The following HECTD2 variants were observed in gnomAD, a reference collection of about 807,000 sequenced individuals.
HECTD2 encodes the protein HECT domain E3 ubiquitin protein ligase 2, also known as probable E3 ubiquitin-protein ligase HECTD2.
A neutral mutation model predicts 103.2 loss-of-function variants in HECTD2; 35 were observed. That is an observed-to-expected ratio of 0.34 (90% CI 0.26 to 0.45). HECTD2 has a LOEUF of 0.45. Ranked by LOEUF, HECTD2 falls within the 20% of genes least tolerant of loss-of-function variation. HECTD2 has a pLI of 1.00. For synonymous variants in HECTD2, 281 were observed against 329.9 expected (o/e 0.85, Z 1.61); for missense variants, 596 against 937.4 (o/e 0.64, Z 4.76).
intron 2 of HECTD2, among the ~76,000 whole-genome samples, chr10:91,456,503 A>G (rs1209264140): frequency 6.6e-6 from 1 of 152,194 alleles, no homozygotes; most frequent in Non-Finnish European, 1.5e-5. Context: ...TTCTAGATAT[A>G]CAATCATGTC....
chr10:91,410,104 C>T (rs1223476390), upstream of HECTD2, among the ~76,000 whole-genome samples: 1 of 152,022 alleles, frequency 6.6e-6, no homozygotes, highest in African/African-American at 2.4e-5. Flanking sequence ...GGGCGTCGAC[C>T]GTGGCGCCTT....
At chr10:91,475,445 C>T (rs541009544) in intron 5 of HECTD2, among the ~76,000 whole-genome samples, 116 of 152,270 alleles carry the variant, frequency 7.6e-4, no homozygotes, top group African/African-American at 2.8e-3. Flanking sequence ...GAAGAGTATT[C>T]CACCTTGTCA....
chr10:91,410,125 C>T (rs1194481548), upstream of HECTD2, among the ~76,000 whole-genome samples: 1 of 151,934 alleles, frequency 6.6e-6, no homozygotes, highest in African/African-American at 2.4e-5. Flanking sequence ...CTCTCCGGGC[C>T]CTCGGGGTTG....
intron 2 of HECTD2, among the ~76,000 whole-genome samples, chr10:91,430,326 G>T (rs1843789834): frequency 1.3e-5 from 2 of 152,004 alleles, no homozygotes; most frequent in South Asian, 4.2e-4. Flanking sequence ...GAATAGGTGT[G>T]GTGTGGTGCT....
chr10:91,467,195 TC>T (rs1401659828), intron 5 of HECTD2, among the ~76,000 whole-genome samples: 1 of 152,094 alleles, frequency 6.6e-6, no homozygotes, highest in African/African-American at 2.4e-5. Context: ...GCCACGGGCC[TC>T]CGGAATCCTG....
In HECTD2 at chr10:91,484,561, T is replaced by G; in HGVS notation, c.876T>G (p.Ser292=). Residue 292 remains serine (S), a synonymous_variant, in exon 9 of 21, where the codon TCT becomes TCG. Transcript: ENST00000298068. Reference sequence around the variant, plus strand: ...TAGAGAGATTGCTGCAATTTATTTCTTTACGCCTGTTTCCTGCAAAGCCTG... The same window carrying G: ...TAGAGAGATTGCTGCAATTTATTTCGTTACGCCTGTTTCCTGCAAAGCCTG... ...QLVERLLQFI[S]LRLFPAKPEE... is the part of the protein sequence containing the mutation. 1.2e-6 allele frequency: 2 copies of G among 1,612,306 alleles called. No homozygotes were observed. The highest frequency in any genetic ancestry group is 3.3e-5 in the Admixed American group (2 of 59,926).
chr10:91,429,622 G>A (rs889338601), intron 2 of HECTD2, among the ~76,000 whole-genome samples: 7 of 152,034 alleles, frequency 4.6e-5, no homozygotes, highest in African/African-American at 7.2e-5. Context: ...TGTATGTGTC[G>A]AGGAATTTAT....
At chr10:91,457,233 T>TA (rs1845141417) in intron 2 of HECTD2, among the ~76,000 whole-genome samples, 1 of 152,066 alleles carries the variant, frequency 6.6e-6, no homozygotes, top group Non-Finnish European at 1.5e-5. Context: ...ACCAAATGTT[T>TA]AAAGAATTAA....
At chr10:91,414,893 C>T (rs1200311098) in intron 1 of HECTD2, among the ~76,000 whole-genome samples, 2 of 151,582 alleles carry the variant, frequency 1.3e-5, no homozygotes, top group African/African-American at 4.8e-5. Flanking sequence ...GTTTTTTTTT[C>T]CCCCTGCGGT....
intron 2 of HECTD2, among the ~76,000 whole-genome samples, chr10:91,428,033 C>T (rs902897053): frequency 2.6e-5 from 4 of 151,740 alleles, no homozygotes; most frequent in African/African-American, 7.3e-5. Flanking sequence ...GTCTTTAATC[C>T]ATCTCCAATT....
chr10:91,416,965 C>G (rs1221950435), intron 1 of HECTD2, among the ~76,000 whole-genome samples: 1 of 152,118 alleles, frequency 6.6e-6, no homozygotes, highest in South Asian at 2.1e-4. Flanking sequence ...AAAGAAAGAG[C>G]CTTCAAAAGG....
chr10:91,455,004 A>C (rs939878261), intron 2 of HECTD2, among the ~76,000 whole-genome samples: 17 of 152,100 alleles, frequency 1.1e-4, no homozygotes, highest in Admixed American at 6.6e-5. Flanking sequence ...AGTCTTAGCT[A>C]TTGTGAATAG....
intron 20 of HECTD2, among the ~76,000 whole-genome samples, chr10:91,505,244 A>G (rs1236965986): frequency 6.6e-6 from 1 of 152,156 alleles, no homozygotes; most frequent in African/African-American, 2.4e-5. Context: ...CTAACATCAT[A>G]ATGACAGGAT....
chr10:91,478,493 T>G (rs538391789), intron 6 of HECTD2, among the ~76,000 whole-genome samples: 2 of 152,318 alleles, frequency 1.3e-5, no homozygotes, highest in Non-Finnish European at 2.9e-5. Context: ...CTGTGAATTC[T>G]TTTAAATTGT....
Position 91,482,996 on chromosome 10 carries a change from T to C in HECTD2, c.741T>C (p.Tyr247=), listed in dbSNP as rs908766974. The change falls in exon 8 of 21, where the codon TAT becomes TAC. Residue 247 remains tyrosine (Y), a synonymous_variant. Transcript: ENST00000298068. The part of the protein sequence containing the change: ...QNPQFNNTST[Y]VIYAHLLRQI... ...CTCAGTTTAATAACACATCTACGTA[T>C]GTCATCTATGCTCACTTGCTACGAC... 1.9e-6 allele frequency: 3 copies of C among 1,563,920 alleles called. No individual in the cohort carries two copies. Among genetic ancestry groups the C allele is most frequent in the Non-Finnish European group, 2.6e-6 (3 of 1,139,188 alleles).
At chr10:91,451,391 G>C in intron 2 of HECTD2, among the ~76,000 whole-genome samples, 1 of 152,044 alleles carries the variant, frequency 6.6e-6, no homozygotes, top group East Asian at 1.9e-4. Context: ...ACCAGGGGAG[G>C]GATAGCATTA....
rs957404857 is a variant in HECTD2, at chr10:91,484,051, A to G, written c.822-456A>G. The stretch of plus-strand genomic sequence containing the variant: ...AAAAACATGAAGCTAAATGGATTGC[A>G]TAAAGGACACTTGCAAAGAGAGAGT... On this transcript the variant is annotated intron_variant, in intron 8 of 20. Coordinates refer to ENST00000298068, the MANE Select transcript of HECTD2 (RefSeq NM_182765.6). 6 of 349,824 alleles carry G rather than the reference A, an allele frequency of 1.7e-5. No individual in the cohort carries two copies. In the East Asian group the frequency reaches 2.7e-4, roughly 16 times the overall value. The allele number at this position is 349,824 out of a possible 1,614,324, so 21.7% of individuals were successfully genotyped here.
At chr10:91,467,367 C>T (rs558775604) in intron 5 of HECTD2, among the ~76,000 whole-genome samples, 37 of 152,132 alleles carry the variant, frequency 2.4e-4, no homozygotes, top group Non-Finnish European at 4.4e-4. Context: ...CCTCAAGGCT[C>T]ACTGTGCTCC....
chr10:91,473,519 A>G (rs913258680), intron 5 of HECTD2, among the ~76,000 whole-genome samples: 3 of 152,170 alleles, frequency 2.0e-5, no homozygotes, highest in African/African-American at 7.2e-5. Context: ...AAATTCATAA[A>G]TACAGTTGAC....
Sources: gnomAD v4.1 joint callset for allele counts (sites outside exome capture counted in the v4.1 genomes callset) on GRCh38, gnomAD v4.1.1 for gene constraint, MANE v1.5 for transcripts, NCBI Gene and HGNC (gene_info 2026-07-23, HGNC 2026-07-21) for gene names.